The following MAPRE2 variants were observed in gnomAD, a reference collection of about 807,000 sequenced individuals.
The protein encoded by MAPRE2 is microtubule-associated protein RP/EB family member 2.
A neutral mutation model predicts 43.2 loss-of-function variants in MAPRE2; 13 were observed. That is an observed-to-expected ratio of 0.30 (90% CI 0.20 to 0.48). The LOEUF is 0.48. Among genes scored for constraint, MAPRE2 ranks in the 20% least tolerant of loss-of-function variants. The pLI, the probability that MAPRE2 is intolerant of heterozygous loss-of-function variation, is 0.99. For missense variants in MAPRE2, 161 were observed against 400.2 expected (o/e 0.40, Z 5.10); for synonymous variants, 135 against 148.8 (o/e 0.91, Z 0.68).
chr18:34,984,088 A>G (rs2097017775), intron 1 of MAPRE2, among the ~76,000 whole-genome samples: 1 of 152,234 alleles, frequency 6.6e-6, no homozygotes, highest in Admixed American at 6.5e-5. Context: ...TTCCAAATTC[A>G]AAAGTAGACC....
intron 1 of MAPRE2, among the ~76,000 whole-genome samples, chr18:35,050,199 T>C (rs765367002): frequency 2.6e-5 from 4 of 152,198 alleles, no homozygotes; most frequent in Non-Finnish European, 4.4e-5. Context: ...CAATCAGTGA[T>C]GTTTCAATTA....
At chr18:35,109,951 T>C (rs1290124258) in intron 4 of MAPRE2, among the ~76,000 whole-genome samples, 2 of 152,152 alleles carry the variant, frequency 1.3e-5, no homozygotes, top group African/African-American at 4.8e-5. Flanking sequence ...TTTTTTAGAA[T>C]TCTATTTTAA....
chr18:35,108,677 A>G (rs968214597), intron 4 of MAPRE2, among the ~76,000 whole-genome samples: 1 of 150,796 alleles, frequency 6.6e-6, no homozygotes, highest in Non-Finnish European at 1.5e-5. Flanking sequence ...ACTGTGTGAG[A>G]TGGCATCTCA....
chr18:35,020,650 A>G (rs1047399704), intron 2 of MAPRE2, among the ~76,000 whole-genome samples: 7 of 152,130 alleles, frequency 4.6e-5, no homozygotes, highest in African/African-American at 1.4e-4. Context: ...GTGTCTTCGA[A>G]TAAGACTATC....
At chr18:35,034,804 A>G (rs1208430378) in intron 2 of MAPRE2, among the ~76,000 whole-genome samples, 1 of 152,236 alleles carries the variant, frequency 6.6e-6, no homozygotes, top group Admixed American at 6.5e-5. Context: ...AATCAAAACC[A>G]CAATGAGATA....
rs368209768 is a variant in MAPRE2 at position 34,982,350 on chromosome 18, A to G, written c.-70+5271A>G. On this transcript the variant is annotated intron_variant, in intron 1 of 7. Coordinates refer to the MAPRE2 transcript ENST00000413393. ...CCCTTAGAGATTAGTTCCACCACCC[A>G]TAGAAATCTTAAATACCTAGTGCTT... 2.4e-4 allele frequency among the ~76,000 whole-genome samples: 37 copies of G among 152,262 alleles called. No homozygotes were observed. The East Asian group carries it at 4.1e-3, about 17-fold the overall frequency.
chr18:34,996,709 C>T (rs551092149), intron 1 of MAPRE2, among the ~76,000 whole-genome samples: 1 of 152,326 alleles, frequency 6.6e-6, no homozygotes, highest in Admixed American at 6.5e-5. Flanking sequence ...TGTACTGTAG[C>T]TACTCATAAG....
At chr18:34,992,178 A>G (rs2097024170) in intron 1 of MAPRE2, among the ~76,000 whole-genome samples, 1 of 152,142 alleles carries the variant, frequency 6.6e-6, no homozygotes, top group African/African-American at 2.4e-5. Flanking sequence ...TCTAGAGATT[A>G]AAAAAATTAA....
At chr18:35,066,082 T>C (rs1906825921) in intron 1 of MAPRE2, among the ~76,000 whole-genome samples, 1 of 152,254 alleles carries the variant, frequency 6.6e-6, no homozygotes, top group Non-Finnish European at 1.5e-5. Flanking sequence ...AGTTGCTCCT[T>C]GTTCTGTAAT....
chr18:35,046,403 G>A (rs1242923569), intron 1 of MAPRE2, among the ~76,000 whole-genome samples: 1 of 152,196 alleles, frequency 6.6e-6, no homozygotes, highest in Non-Finnish European at 1.5e-5. Context: ...TTTCTCTGAA[G>A]TCCAGTGTGC....
intron 2 of MAPRE2, among the ~76,000 whole-genome samples, chr18:35,022,823 G>A (rs1357894885): frequency 1.3e-5 from 2 of 152,182 alleles, no homozygotes; most frequent in African/African-American, 4.8e-5. Context: ...AGAAAACACA[G>A]TAGAGAGTCA....
intron 2 of MAPRE2, among the ~76,000 whole-genome samples, chr18:35,095,181 T>G (rs1908343144): frequency 6.6e-6 from 1 of 152,156 alleles, no homozygotes; most frequent in African/African-American, 2.4e-5. Context: ...CATATTTATG[T>G]ATTCTTGGTT....
Position 35,143,084 on chromosome 18 carries a change from A to G in MAPRE2, c.*2715A>G, listed in dbSNP as rs993317794. ...GCAGAAAAGCAGGAAAAAAAAAAAA[A>G]AAAAAGAAAGAAAAACACCTGTTGA... On this transcript the variant is annotated 3_prime_UTR_variant, in exon 7 of 7. Transcript: ENST00000300249. The G allele has an allele frequency of 6.6e-6, 1 of 151,670 alleles. No homozygotes were observed. Among genetic ancestry groups the G allele is most frequent in the Non-Finnish European group, 1.5e-5 (1 of 67,896 alleles). 9.4% of individuals were successfully genotyped at this position (151,670 alleles called of 1,614,324 possible).
chr18:34,982,045 G>C (rs1442420464), intron 1 of MAPRE2, among the ~76,000 whole-genome samples: 1 of 151,416 alleles, frequency 6.6e-6, no homozygotes, highest in Non-Finnish European at 1.5e-5. Context: ...CACCACACCT[G>C]GCTAATTTTA....
At chr18:34,998,323 CTTT>C (rs11339291) in intron 1 of MAPRE2, among the ~76,000 whole-genome samples, 7 of 120,700 alleles carry the variant, frequency 5.8e-5, no homozygotes, top group African/African-American at 1.7e-4. Flanking sequence ...TTTTCTCTCT[CTTT>C]TTTTTTTTTT....
chr18:34,991,031 AT>A (rs2097023505), intron 1 of MAPRE2, among the ~76,000 whole-genome samples: 1 of 152,030 alleles, frequency 6.6e-6, no homozygotes, highest in Non-Finnish European at 1.5e-5. Context: ...TTCAACTTCT[AT>A]TTTAGATTCA....
chr18:35,138,292 G>T (rs1246345632), intron 6 of MAPRE2, among the ~76,000 whole-genome samples: 1 of 152,124 alleles, frequency 6.6e-6, no homozygotes, highest in Non-Finnish European at 1.5e-5. Flanking sequence ...GAGTGCAAGG[G>T]TCAGGAAGAC....
intron 3 of MAPRE2, among the ~76,000 whole-genome samples, chr18:35,098,105 G>A (rs1393933218): frequency 6.6e-6 from 1 of 152,184 alleles, no homozygotes; most frequent in Non-Finnish European, 1.5e-5. Context: ...GATTCTCAAT[G>A]TCCATAATTT....
intron 1 of MAPRE2, among the ~76,000 whole-genome samples, chr18:34,994,896 A>G (rs2097025689): frequency 6.6e-6 from 1 of 152,174 alleles, no homozygotes; most frequent in African/African-American, 2.4e-5. Context: ...CCAAGTCCCA[A>G]TGCTCTTTAT....
Sources: allele counts gnomAD v4.1 joint callset (sites outside exome capture counted in the v4.1 genomes callset), GRCh38; gene constraint gnomAD v4.1.1; transcripts MANE v1.5; gene names NCBI Gene and HGNC (gene_info 2026-07-23, HGNC 2026-07-21).